The following GRM8 variants were observed in gnomAD, a reference collection of about 807,000 sequenced individuals.
GRM8 encodes metabotropic glutamate receptor 8.
In GRM8, 47 loss-of-function variants were observed where a neutral mutation model predicts 87.2. That is an observed-to-expected ratio of 0.54 (90% CI 0.43 to 0.69). The LOEUF (loss-of-function observed/expected upper bound fraction) is 0.69, where lower values mean the gene tolerates loss of function less well. Among genes scored for constraint, GRM8 ranks in the 30% least tolerant of loss-of-function variants. The pLI, the probability that GRM8 is intolerant of heterozygous loss-of-function variation, is 0.00. For missense variants in GRM8, 1,019 were observed against 1,139.2 expected (o/e 0.89, Z 1.52); for synonymous variants, 396 against 404.5 (o/e 0.98, Z 0.25).
At chr7:127,204,017 A>ATTTATAAAAATAT (rs1379726740) in intron 2 of GRM8, among the ~76,000 whole-genome samples, 1 of 152,228 alleles carries the variant, frequency 6.6e-6, no homozygotes, top group Non-Finnish European at 1.5e-5. Context: ...TAAATTTAAG[A>ATTTATAAAAATAT]GTTGTAGTCA....
intron 8 of GRM8, among the ~76,000 whole-genome samples, chr7:126,581,659 T>G (rs1356958323): frequency 6.6e-6 from 1 of 152,174 alleles, no homozygotes; most frequent in Non-Finnish European, 1.5e-5. Context: ...GATAGCATGT[T>G]TTTTTGCAAG....
chr7:127,198,077 A>C (rs1210905088), intron 2 of GRM8, among the ~76,000 whole-genome samples: 1 of 152,132 alleles, frequency 6.6e-6, no homozygotes, highest in East Asian at 1.9e-4. Context: ...ACCAATATTC[A>C]TACTTTTGTA....
chr7:126,952,400 A>C (rs1443396057), intron 3 of GRM8, among the ~76,000 whole-genome samples: 2 of 152,044 alleles, frequency 1.3e-5, no homozygotes, highest in Non-Finnish European at 2.9e-5. Context: ...ATCACCATTA[A>C]GCAAACACCA....
At chr7:127,156,236 C>T (rs1487278606) in intron 2 of GRM8, among the ~76,000 whole-genome samples, 1 of 152,090 alleles carries the variant, frequency 6.6e-6, no homozygotes, top group East Asian at 1.9e-4. Flanking sequence ...ACTTCACTTG[C>T]CCTCTTACCA....
chr7:127,154,846 T>A (rs1792624140), intron 2 of GRM8, among the ~76,000 whole-genome samples: 1 of 152,166 alleles, frequency 6.6e-6, no homozygotes, highest in African/African-American at 2.4e-5. Flanking sequence ...CTTTATTCTA[T>A]CAGTTTTTGA....
At chr7:126,981,778 A>G (rs1462870697) in intron 3 of GRM8, 1 of 152,136 alleles carries the variant, frequency 6.6e-6, no homozygotes, top group African/African-American at 2.4e-5. Context: ...TCACCATGTA[A>G]AGAAGCTGTC....
chr7:126,491,822 G>C (rs548079167), intron 9 of GRM8, among the ~76,000 whole-genome samples: 43 of 152,162 alleles, frequency 2.8e-4, no homozygotes, highest in African/African-American at 1.0e-3. Flanking sequence ...GGATCTCACT[G>C]TTTCCTGTCT....
At chr7:126,442,119 T>C (rs1216612685) in intron 10 of GRM8, among the ~76,000 whole-genome samples, 4 of 152,004 alleles carry the variant, frequency 2.6e-5, no homozygotes, top group Non-Finnish European at 4.4e-5. Context: ...ATGGAACAGC[T>C]GTAGTCTGGA....
intron 6 of GRM8, among the ~76,000 whole-genome samples, chr7:126,866,860 G>A (rs1004664826): frequency 2.0e-5 from 3 of 151,966 alleles, no homozygotes; most frequent in African/African-American, 7.3e-5. Flanking sequence ...AAAGTGCTGG[G>A]ATTACAGGTG....
intron 9 of GRM8, among the ~76,000 whole-genome samples, chr7:126,475,106 A>G (rs1053481411): frequency 3.3e-5 from 5 of 152,156 alleles, no homozygotes; most frequent in African/African-American, 1.2e-4. Flanking sequence ...TTTCTATTCA[A>G]CATAGTATTG....
At chr7:126,625,269 T>C (rs146093186) in intron 7 of GRM8, among the ~76,000 whole-genome samples, 1,862 of 152,260 alleles carry the variant, frequency 0.012, 39 homozygotes, top group African/African-American at 0.042. Flanking sequence ...TAAGGTGGAC[T>C]TGAGAAAGTG....
At chr7:126,454,306 G>C (rs915530270) in intron 9 of GRM8, among the ~76,000 whole-genome samples, 1 of 151,628 alleles carries the variant, frequency 6.6e-6, no homozygotes, top group Non-Finnish European at 1.5e-5. Flanking sequence ...TTAAATTTTA[G>C]GCTAAATAAT....
At chr7:126,528,617 TG>T (rs1814297250) in intron 9 of GRM8, among the ~76,000 whole-genome samples, 1 of 22,112 alleles carries the variant, frequency 4.5e-5, no homozygotes, top group Non-Finnish European at 1.0e-4. Context: ...AAAGAAGTTG[TG>T]TGTGTGTGTG....
intron 6 of GRM8, among the ~76,000 whole-genome samples, chr7:126,796,914 T>A (rs1254299908): frequency 1.3e-5 from 2 of 152,072 alleles, no homozygotes; most frequent in African/African-American, 4.8e-5. Flanking sequence ...TATCTCTCTT[T>A]AGGATAAATA....
chr7:126,621,647 G>C (rs951471632), intron 7 of GRM8, among the ~76,000 whole-genome samples: 4 of 151,822 alleles, frequency 2.6e-5, no homozygotes, highest in African/African-American at 9.7e-5. Flanking sequence ...TTTAACTCCT[G>C]ACCTCAGGTG....
chr7:127,171,812 A>G (rs1793820005), intron 2 of GRM8, among the ~76,000 whole-genome samples: 1 of 152,188 alleles, frequency 6.6e-6, no homozygotes, highest in South Asian at 2.1e-4. Context: ...ATGCCTGTAT[A>G]TATTATAATC....
intron 7 of GRM8, among the ~76,000 whole-genome samples, chr7:126,636,452 T>C (rs1216094749): frequency 1.3e-5 from 2 of 152,102 alleles, no homozygotes; most frequent in African/African-American, 2.4e-5. Flanking sequence ...GTAAATATTA[T>C]GTAAATAGCT....
chr7:126,681,404 G>A (rs550968786), intron 7 of GRM8, among the ~76,000 whole-genome samples: 1 of 152,338 alleles, frequency 6.6e-6, no homozygotes, highest in African/African-American at 2.4e-5. Context: ...TGGTGTGCGT[G>A]AGAGCTAAAT....
intron 6 of GRM8, 28 bp from the exon 7 acceptor site, chr7:126,770,093 A>T (rs1818675413): frequency 6.8e-7 from 1 of 1,480,654 alleles, no homozygotes; most frequent in East Asian, 2.4e-5. Flanking sequence ...AAAAACCATC[A>T]GTTGATGTTA....
Sources: gnomAD v4.1 joint callset for allele counts (sites outside exome capture counted in the v4.1 genomes callset) on GRCh38, gnomAD v4.1.1 for gene constraint, MANE v1.5 for transcripts, NCBI Gene and HGNC (gene_info 2026-07-23, HGNC 2026-07-21) for gene names.